ATXN7L1: variants seen among roughly 807,000 people sequenced by gnomAD.
ATXN7L1 encodes the protein ataxin-7-like protein 1.
A neutral mutation model predicts 70.8 loss-of-function variants in ATXN7L1; 15 were observed. The ratio of observed to expected loss-of-function variants is 0.21; its 90% CI spans 0.14 to 0.33. ATXN7L1 has a LOEUF of 0.33. Among genes scored for constraint, ATXN7L1 ranks in the 10% least tolerant of loss-of-function variants. The probability of loss-of-function intolerance (pLI) is 1.00; values close to 1 mark genes in which losing one functional copy is unlikely to be tolerated. For missense variants in ATXN7L1, 975 were observed against 1,097.1 expected (o/e 0.89, Z 1.57); for synonymous variants, 440 against 445.1 (o/e 0.99, Z 0.14).
intron 3 of ATXN7L1, among the ~76,000 whole-genome samples, chr7:105,734,947 C>T (rs1247063004): frequency 6.6e-6 from 1 of 152,150 alleles, no homozygotes; most frequent in East Asian, 1.9e-4. Flanking sequence ...AACTTTCTAG[C>T]CTCCACACTT....
chr7:105,628,289 C>A (rs1796040897), intron 7 of ATXN7L1, among the ~76,000 whole-genome samples: 1 of 152,002 alleles, frequency 6.6e-6, no homozygotes, highest in South Asian at 2.1e-4. Context: ...AAAGCAAGAC[C>A]TGTAGGTGTT....
At chr7:105,800,490 T>G (rs1052815747) in intron 2 of ATXN7L1, among the ~76,000 whole-genome samples, 3 of 152,204 alleles carry the variant, frequency 2.0e-5, no homozygotes, top group Admixed American at 1.3e-4. Flanking sequence ...GTCTGGTGTT[T>G]AAAGATAGTG....
chr7:105,833,712 A>G (rs1811973085), intron 2 of ATXN7L1, among the ~76,000 whole-genome samples: 1 of 152,250 alleles, frequency 6.6e-6, no homozygotes, highest in African/African-American at 2.4e-5. Context: ...AGTTAACACT[A>G]GTTAATGATA....
At chr7:105,620,065 A>T in intron 9 of ATXN7L1, 135 bp downstream of exon 9, 1 of 1,129,148 alleles carries the variant, frequency 8.9e-7, no homozygotes, top group Non-Finnish European at 1.3e-6. Flanking sequence ...GGTATTTAAG[A>T]ATTAATCAAG....
chr7:105,695,325 C>T (rs571890451), intron 3 of ATXN7L1, among the ~76,000 whole-genome samples: 4 of 152,238 alleles, frequency 2.6e-5, no homozygotes, highest in African/African-American at 7.2e-5. Flanking sequence ...AGCACAACAT[C>T]GCCCTCAATT....
At chr7:105,800,476 CTCTG>C (rs1316856778) in intron 2 of ATXN7L1, among the ~76,000 whole-genome samples, 1 of 152,218 alleles carries the variant, frequency 6.6e-6, no homozygotes, top group Admixed American at 6.5e-5. Flanking sequence ...ACTTAGCCCA[CTCTG>C]TCTGGTGTTT....
At chr7:105,789,484 T>C (rs1265035850) in intron 2 of ATXN7L1, among the ~76,000 whole-genome samples, 1 of 152,008 alleles carries the variant, frequency 6.6e-6, no homozygotes, top group East Asian at 1.9e-4. Context: ...GGCCCTAACC[T>C]AGTGTGAGGC....
intron 3 of ATXN7L1, among the ~76,000 whole-genome samples, chr7:105,718,867 C>A (rs903982380): frequency 2.6e-5 from 4 of 152,146 alleles, no homozygotes; most frequent in African/African-American, 9.7e-5. Flanking sequence ...CATGGGAGGG[C>A]AGGCTTGGGA....
intron 3 of ATXN7L1, among the ~76,000 whole-genome samples, chr7:105,727,083 T>C (rs1262110288): frequency 6.6e-6 from 1 of 152,176 alleles, no homozygotes; most frequent in Non-Finnish European, 1.5e-5. Flanking sequence ...AGTCATATAA[T>C]AAGGAACAAG....
At chr7:105,704,708 T>G (rs1219121637) in intron 3 of ATXN7L1, among the ~76,000 whole-genome samples, 2 of 150,562 alleles carry the variant, frequency 1.3e-5, no homozygotes. Context: ...CCTCCTGGGT[T>G]CAAGTGATTC....
chr7:105,665,946 G>A lies in ATXN7L1; in HGVS notation c.356-658C>T, dbSNP rs116974436. ...GCAATGTGGGGCATGGACTTGGGCC[G>A]GCGAGCACAACTTCCTGAGGTTCTA... On this transcript the variant is annotated intron_variant, in intron 3 of 11. Coordinates refer to ENST00000419735, the MANE Select transcript of ATXN7L1 (RefSeq NM_020725.2). 6.8e-4 allele frequency among the ~76,000 whole-genome samples: 104 copies of A among 152,304 alleles called. 1 individual carries two copies. Among genetic ancestry groups the A allele is most frequent in the Middle Eastern group, 3.4e-3 (1 of 294 alleles).
chr7:105,714,829 C>A (rs586091), intron 3 of ATXN7L1, among the ~76,000 whole-genome samples: 35,041 of 152,020 alleles, frequency 0.23, 4,134 homozygotes, highest in Admixed American at 0.25. Flanking sequence ...AACACAGCTA[C>A]TTTTTGTATT....
chr7:105,745,356 C>T (rs1405538472), intron 3 of ATXN7L1, among the ~76,000 whole-genome samples: 2 of 152,152 alleles, frequency 1.3e-5, no homozygotes, highest in African/African-American at 2.4e-5. Context: ...AGGAGCACTC[C>T]ACAATTGATT....
Position 105,739,311 on chromosome 7 carries a change from C to T in ATXN7L1, c.355+49293G>A, listed in dbSNP as rs1303577922. ...CGTTTGCACCAACCTAAGAGAAATG[C>T]CCCACCCCAGACCCATGGAAGAAGA... On this transcript the variant is annotated intron_variant, in intron 3 of 11. Coordinates refer to ENST00000419735, the MANE Select transcript of ATXN7L1 (RefSeq NM_020725.2). 4.6e-5 allele frequency among the ~76,000 whole-genome samples: 7 copies of T among 152,256 alleles called. No individual in the cohort carries two copies. The East Asian group carries it at 5.8e-4, about 13-fold the overall frequency.
At chr7:105,706,148 TTTTAAC>T (rs1793127478) in intron 3 of ATXN7L1, among the ~76,000 whole-genome samples, 1 of 152,180 alleles carries the variant, frequency 6.6e-6, no homozygotes, top group Non-Finnish European at 1.5e-5. Context: ...TGTGCTTATT[TTTTAAC>T]TTTAAGAGCA....
chr7:105,772,461 G>A (rs1475102993), intron 3 of ATXN7L1, among the ~76,000 whole-genome samples: 2 of 152,170 alleles, frequency 1.3e-5, no homozygotes, highest in African/African-American at 4.8e-5. Context: ...GAAAATAAAA[G>A]ATTGGAAAGA....
intron 2 of ATXN7L1, among the ~76,000 whole-genome samples, chr7:105,791,475 C>T (rs971639580): frequency 6.6e-6 from 1 of 152,178 alleles, no homozygotes; most frequent in Non-Finnish European, 1.5e-5. Context: ...ACCCTCAGTT[C>T]AGAGCCTTAG....
chr7:105,643,201 T>C, intron 4 of ATXN7L1, 80 bp from the exon 5 acceptor site: 2 of 1,385,232 alleles, frequency 1.4e-6, no homozygotes, highest in Non-Finnish European at 1.9e-6. Flanking sequence ...CCGCTTATCA[T>C]TATCAGAACA....
intron 2 of ATXN7L1, among the ~76,000 whole-genome samples, chr7:105,851,140 AATACC>A (rs1340241382): frequency 6.6e-6 from 1 of 152,138 alleles, no homozygotes; most frequent in Non-Finnish European, 1.5e-5. Flanking sequence ...TCCAGGCAAT[AATACC>A]AGCTACCATT....
Sources: gnomAD v4.1 joint callset for allele counts (sites outside exome capture counted in the v4.1 genomes callset) on GRCh38, gnomAD v4.1.1 for gene constraint, MANE v1.5 for transcripts, NCBI Gene and HGNC (gene_info 2026-07-23, HGNC 2026-07-21) for gene names.